The following CADPS2 variants were observed in gnomAD, a reference collection of about 807,000 sequenced individuals.
The protein encoded by CADPS2 is calcium-dependent secretion activator 2.
CADPS2 carries 93 observed loss-of-function variants against 172.5 expected under a neutral mutation model. That is an observed-to-expected ratio of 0.54 (90% CI 0.46 to 0.64). CADPS2 has a LOEUF of 0.64. Among genes scored for constraint, CADPS2 ranks in the 30% least tolerant of loss-of-function variants. The pLI is 0.00. For missense variants in CADPS2, 1,420 were observed against 1,565.9 expected, an observed-to-expected ratio of 0.91 and a Z score of 1.57; for synonymous variants, 546 against 555.2, an observed-to-expected ratio of 0.98 and a Z score of 0.23.
At chr7:122,432,933 T>C (rs2050147080) in intron 17 of CADPS2, among the ~76,000 whole-genome samples, 1 of 151,928 alleles carries the variant, frequency 6.6e-6, no homozygotes, top group Non-Finnish European at 1.5e-5. Context: ...CCCTGCTAGG[T>C]TACCTTGCTA....
chr7:122,459,395 C>T lies in CADPS2; in HGVS notation c.2187-7920G>A, dbSNP rs779708695. On this transcript the variant is annotated intron_variant, in intron 14 of 29. Coordinates refer to ENST00000449022, the MANE Select transcript of CADPS2 (RefSeq NM_017954.11). The stretch of plus-strand genomic sequence containing the variant: ...AAGAAAAATTCCCAAAGGTATATTG[C>T]TAGGTTAAATGCACGATATTTTCAA... Among the ~76,000 whole-genome samples the T allele has an allele frequency of 2.2e-4, 34 of 151,996 alleles. 1 individual carries two copies. The highest frequency in any genetic ancestry group is 3.5e-4 in the Non-Finnish European group (24 of 67,926).
intron 14 of CADPS2, among the ~76,000 whole-genome samples, chr7:122,459,517 T>C (rs2054196324): frequency 6.6e-6 from 1 of 152,184 alleles, no homozygotes; most frequent in African/African-American, 2.4e-5. Context: ...TCCTGCAACC[T>C]CACCAACTGT....
intron 20 of CADPS2, among the ~76,000 whole-genome samples, chr7:122,403,065 A>G (rs928374543): frequency 6.6e-6 from 1 of 152,274 alleles, no homozygotes; most frequent in Non-Finnish European, 1.5e-5. Flanking sequence ...GCAGGTTGAC[A>G]TTAAACATTT....
intron 1 of CADPS2, 85 bp downstream of exon 1, chr7:122,885,914 G>A: frequency 1.4e-6 from 2 of 1,465,906 alleles, no homozygotes; most frequent in South Asian, 1.2e-5. Context: ...GCGTTTCGCA[G>A]AAGGACGGGA....
At chr7:122,876,434 T>A (rs1821227956) in intron 1 of CADPS2, among the ~76,000 whole-genome samples, 1 of 152,154 alleles carries the variant, frequency 6.6e-6, no homozygotes, top group Admixed American at 6.5e-5. Flanking sequence ...CAATCACAGA[T>A]CATTGTAGCC....
At chr7:122,416,314 TCAC>T (rs2047914650) in intron 17 of CADPS2, 150 bp from the exon 18 acceptor site, 33 of 462,500 alleles carry the variant, frequency 7.1e-5, no homozygotes, top group Non-Finnish European at 1.1e-4. Context: ...AAAAAACAGT[TCAC>T]CAGATTGCAG....
chr7:122,698,836 C>T, intron 2 of CADPS2: 1 of 1,613,636 alleles, frequency 6.2e-7, no homozygotes, highest in Non-Finnish European at 8.5e-7. Context: ...ACAGTTCTGA[C>T]TAACAAGCCA....
intron 10 of CADPS2, among the ~76,000 whole-genome samples, chr7:122,491,059 A>G (rs755222791): frequency 2.6e-5 from 4 of 152,162 alleles, no homozygotes; most frequent in Non-Finnish European, 2.9e-5. Context: ...TATCTCACCT[A>G]ATTATTCCAT....
chr7:122,405,953 T>C (rs1053543805), intron 20 of CADPS2, among the ~76,000 whole-genome samples: 3 of 152,218 alleles, frequency 2.0e-5, no homozygotes, highest in African/African-American at 4.8e-5. Flanking sequence ...TTTATAGATA[T>C]AGCACCTAGA....
At chr7:122,721,329 T>C (rs1048962127) in intron 2 of CADPS2, among the ~76,000 whole-genome samples, 2 of 151,930 alleles carry the variant, frequency 1.3e-5, no homozygotes, top group South Asian at 2.1e-4. Flanking sequence ...AAGAATCAAA[T>C]AGACGCAATA....
chr7:122,455,899 T>C (rs2053709025), intron 14 of CADPS2, among the ~76,000 whole-genome samples: 2 of 151,776 alleles, frequency 1.3e-5, no homozygotes, highest in Admixed American at 6.6e-5. Context: ...AGAGATGAGG[T>C]TTCAAGTTGG....
chr7:122,527,582 TAG>T (rs35881192), intron 8 of CADPS2, among the ~76,000 whole-genome samples: 2,016 of 91,490 alleles, frequency 0.022, 18 homozygotes, highest in Non-Finnish European at 0.027. Context: ...TAATACTGAA[TAG>T]AGAGAGAGAG....
At chr7:122,810,490 C>A (rs1382454098) in intron 1 of CADPS2, among the ~76,000 whole-genome samples, 1 of 152,184 alleles carries the variant, frequency 6.6e-6, no homozygotes, top group Non-Finnish European at 1.5e-5. Flanking sequence ...CCACAGTAAT[C>A]AGGGATTCTC....
At chr7:122,505,246 G>A (rs2059525966) in intron 9 of CADPS2, among the ~76,000 whole-genome samples, 2 of 152,200 alleles carry the variant, frequency 1.3e-5, no homozygotes, top group Admixed American at 6.5e-5. Flanking sequence ...CATGTGAGGT[G>A]AAATGCTTAC....
chr7:122,785,955 A>G (rs954299257), intron 1 of CADPS2, among the ~76,000 whole-genome samples: 1 of 152,218 alleles, frequency 6.6e-6, no homozygotes, highest in African/African-American at 2.4e-5. Context: ...TGGTTCTAAA[A>G]GAAGAAATAA....
chr7:122,682,253 T>C (rs1390606143), intron 2 of CADPS2, among the ~76,000 whole-genome samples: 6 of 152,184 alleles, frequency 3.9e-5, no homozygotes, highest in Admixed American at 3.9e-4. Flanking sequence ...AAAATCTTGT[T>C]GTTCATCATG....
intron 9 of CADPS2, among the ~76,000 whole-genome samples, chr7:122,507,038 TG>T (rs2059661144): frequency 1.3e-5 from 2 of 152,056 alleles, no homozygotes; most frequent in Admixed American, 1.3e-4. Flanking sequence ...CTTCTTTTCA[TG>T]GAGTATACAT....
At chr7:122,707,634 T>C (rs545429864) in intron 2 of CADPS2, among the ~76,000 whole-genome samples, 87 of 152,044 alleles carry the variant, frequency 5.7e-4, no homozygotes, top group African/African-American at 1.9e-3. Context: ...ACTACAACTA[T>C]GTATGTTTTT....
chr7:122,669,059 A>T (rs2081486756), intron 2 of CADPS2, among the ~76,000 whole-genome samples: 1 of 152,154 alleles, frequency 6.6e-6, no homozygotes, highest in Admixed American at 6.5e-5. Context: ...GGCCAGGAGC[A>T]GTAGCTCACG....
Sources: gnomAD v4.1 joint callset for allele counts (sites outside exome capture counted in the v4.1 genomes callset) on GRCh38, gnomAD v4.1.1 for gene constraint, MANE v1.5 for transcripts, NCBI Gene and HGNC (gene_info 2026-07-23, HGNC 2026-07-21) for gene names.